The following PEX14 variants were observed in gnomAD, a reference collection of about 807,000 sequenced individuals.
PEX14 encodes peroxisomal biogenesis factor 14.
Under a neutral mutation model 49.5 loss-of-function variants are expected in PEX14, and 15 were observed. That is an observed-to-expected ratio of 0.30 (90% CI 0.20 to 0.47). The LOEUF (loss-of-function observed/expected upper bound fraction) is 0.47. PEX14 is among the 20% of genes least tolerant of loss of function. PEX14 has a pLI of 1.00. For synonymous variants in PEX14, 210 were observed against 212.7 expected (o/e 0.99, Z 0.11); for missense variants, 398 against 494.8 (o/e 0.80, Z 1.86).
At chr1:10,557,973 CT>C (rs1639543094) in intron 3 of PEX14, among the ~76,000 whole-genome samples, 1 of 151,762 alleles carries the variant, frequency 6.6e-6, no homozygotes, top group Non-Finnish European at 1.5e-5. Context: ...CGATTTATTT[CT>C]TTCCCCACTG....
rs898083108 is a variant in PEX14, at chr1:10,539,105, T to C, written c.169+2808T>C. ...AGGCGCATCAGCTGAGTTTGTTTCATTGTGAAACCGCAGCTGGGAGCAGGG... is the reference window on the plus strand; with the variant it reads ...AGGCGCATCAGCTGAGTTTGTTTCACTGTGAAACCGCAGCTGGGAGCAGGG... On this transcript the variant is annotated intron_variant, in intron 3 of 8. Transcript: ENST00000356607. The surrounding 1 kb of genome is among the most constrained non-coding windows in gnomAD (Gnocchi z 4.6). 2.6e-5 allele frequency among the ~76,000 whole-genome samples: 4 copies of C among 152,200 alleles called. No homozygotes were observed. The highest frequency in any genetic ancestry group is 1.5e-5 in the Non-Finnish European group (1 of 68,042).
intron 2 of PEX14, among the ~76,000 whole-genome samples, chr1:10,522,065 A>G (rs768208895): frequency 4.6e-5 from 7 of 152,166 alleles, no homozygotes; most frequent in Non-Finnish European, 8.8e-5. Flanking sequence ...CGGCTCTTGC[A>G]TTACCGTGGC....
chr1:10,626,774 C>G (rs1433941634), intron 7 of PEX14, among the ~76,000 whole-genome samples: 2 of 152,268 alleles, frequency 1.3e-5, no homozygotes, highest in East Asian at 1.9e-4. Flanking sequence ...TTGGGGACCT[C>G]TGGTTTGGCT....
At chr1:10,595,765 TGGAA>T (rs1384542850) in intron 3 of PEX14, among the ~76,000 whole-genome samples, 1 of 152,178 alleles carries the variant, frequency 6.6e-6, no homozygotes, top group African/African-American at 2.4e-5. Context: ...AGCAATCAAC[TGGAA>T]GGAAGTGTCT....
At position 10,604,671 on chromosome 1, in the gene PEX14, G is replaced by A. The variant is rs949176285; in HGVS notation, c.298+5305G>A. Among the ~76,000 whole-genome samples, 11 of 152,236 alleles carry A rather than the reference G, an allele frequency of 7.2e-5. No individual in the cohort carries two copies. In the East Asian group the frequency reaches 2.1e-3, roughly 29 times the overall value. On this transcript the variant is annotated intron_variant, in intron 4 of 8. Transcript: ENST00000356607. ...AGAGTGGCTGGAGCATGGGATGAGA[G>A]TCAGAGGAAATGGCTGGAGAAAGGG...
In PEX14 at chr1:10,627,119, C is replaced by T. The variant is rs188386819; in HGVS notation, c.586-153C>T. Among the ~76,000 whole-genome samples the T allele has an allele frequency of 6.4e-3, 982 of 152,338 alleles. 24 individuals are homozygous for T. Among genetic ancestry groups the T allele is most frequent in the Non-Finnish European group, 4.2e-3 (284 of 68,030 alleles). On this transcript the variant is annotated intron_variant, in intron 7 of 8. Transcript: ENST00000356607. ...AGGATGTTGTCATCCAGAGACGTGG[C>T]AGGCAGTGGGCAGTGGCAGAACCTT...
intron 3 of PEX14, among the ~76,000 whole-genome samples, chr1:10,577,943 A>G (rs1460963937): frequency 6.6e-6 from 1 of 151,930 alleles, no homozygotes; most frequent in East Asian, 2.0e-4. Context: ...GATTCTTGAA[A>G]GAAAGACCCC....
rs1639098612 is a variant in PEX14 at position 10,544,036 on chromosome 1, G to A, written c.169+7739G>A. Among the ~76,000 whole-genome samples the A allele has an allele frequency of 2.0e-5, 3 of 152,314 alleles. No individual in the cohort carries two copies. The South Asian group carries it at 6.2e-4, about 32-fold the overall frequency. ...TCTTCAGGTGTGGGGGATCTGGGCC[G>A]GGTTGGTAGCAGTAGAGATGGAAAT... On this transcript the variant is annotated intron_variant, in intron 3 of 8. Coordinates refer to ENST00000356607, the MANE Select transcript of PEX14 (RefSeq NM_004565.3).
chr1:10,566,017 C>G (rs182251945), intron 3 of PEX14, among the ~76,000 whole-genome samples: 8 of 152,344 alleles, frequency 5.3e-5, no homozygotes. Context: ...TGAAGATGGA[C>G]AAAAGCTCTG....
chr1:10,622,031 G>A (rs1641610955), intron 5 of PEX14, among the ~76,000 whole-genome samples: 1 of 152,084 alleles, frequency 6.6e-6, no homozygotes, highest in Admixed American at 6.5e-5. Context: ...CTCCTCACCT[G>A]GGGGGCTTTG....
At chr1:10,537,341 A>AACCCCC (rs1553187430) in intron 3 of PEX14, among the ~76,000 whole-genome samples, 14 of 28,448 alleles carry the variant, frequency 4.9e-4, no homozygotes, top group South Asian at 1.7e-3. Context: ...TTGTGCCAGC[A>AACCCCC]CCCCCCCCCC....
At chr1:10,489,676 G>T (rs942977114) in intron 1 of PEX14, among the ~76,000 whole-genome samples, 1 of 152,204 alleles carries the variant, frequency 6.6e-6, no homozygotes, top group African/African-American at 2.4e-5. Context: ...CACTTTTTCT[G>T]CATAGCTCTT....
rs2124599354 is a variant in PEX14, at chr1:10,597,471, T to C, written c.170-1767T>C. ...GGGTATTCTCTGTTGTTGCCTGGCTTGCCTGTTGGTCCTGTCCCTGTTCTT... is the reference window on the plus strand; with the variant it reads ...GGGTATTCTCTGTTGTTGCCTGGCTCGCCTGTTGGTCCTGTCCCTGTTCTT... On this transcript the variant is annotated intron_variant, in intron 3 of 8. Coordinates refer to ENST00000356607, the MANE Select transcript of PEX14 (RefSeq NM_004565.3). The surrounding 1 kb of genome is among the most constrained non-coding windows in gnomAD (Gnocchi z 5.7). Among the ~76,000 whole-genome samples the C allele has an allele frequency of 6.6e-6, 1 of 152,342 alleles. No homozygotes were observed. The highest frequency in any genetic ancestry group is 1.5e-5 in the Non-Finnish European group (1 of 68,024).
intron 4 of PEX14, among the ~76,000 whole-genome samples, chr1:10,602,551 A>G (rs998080036): frequency 1.3e-5 from 2 of 152,196 alleles, no homozygotes; most frequent in Non-Finnish European, 2.9e-5. Flanking sequence ...CTTTTATTTG[A>G]CATGCGATTA....
chr1:10,541,278 C>T (rs2124491525), intron 3 of PEX14, among the ~76,000 whole-genome samples: 1 of 152,326 alleles, frequency 6.6e-6, no homozygotes, highest in East Asian at 1.9e-4. Flanking sequence ...ACAAACAGGT[C>T]ACCTTAGCGG....
intron 2 of PEX14, among the ~76,000 whole-genome samples, chr1:10,531,488 A>G (rs1471283137): frequency 6.6e-6 from 1 of 152,174 alleles, no homozygotes; most frequent in Non-Finnish European, 1.5e-5. Flanking sequence ...ACTTTAGTGT[A>G]TGAACGTAGG....
chr1:10,574,134 G>A (rs889980434), intron 3 of PEX14, among the ~76,000 whole-genome samples: 10 of 152,066 alleles, frequency 6.6e-5, no homozygotes, highest in African/African-American at 2.2e-4. Flanking sequence ...AAAACCTGGG[G>A]GGAAGTGTCC....
intron 3 of PEX14, among the ~76,000 whole-genome samples, chr1:10,559,055 T>A (rs1639575383): frequency 6.6e-6 from 1 of 152,210 alleles, no homozygotes; most frequent in South Asian, 2.1e-4. Context: ...TAGTCCTAAT[T>A]GTTTTTGTTG....
intron 3 of PEX14, among the ~76,000 whole-genome samples, chr1:10,551,478 C>A (rs1639332082): frequency 6.6e-6 from 1 of 152,174 alleles, no homozygotes; most frequent in Admixed American, 6.5e-5. Flanking sequence ...GCAGCTTTAT[C>A]CCAGCAGCAC....
Sources: allele counts gnomAD v4.1 joint callset (sites outside exome capture counted in the v4.1 genomes callset), GRCh38; gene constraint gnomAD v4.1.1; non-coding constraint Gnocchi (gnomAD v3.1); transcripts MANE v1.5; gene names NCBI Gene and HGNC (gene_info 2026-07-23, HGNC 2026-07-21).